The following ORC5 variants were observed in gnomAD, a reference collection of about 807,000 sequenced individuals.
The protein encoded by ORC5 is protein phosphatase 1, regulatory subunit 117.
In ORC5, 39 loss-of-function variants were observed where a neutral mutation model predicts 58.8. The observed-to-expected ratio is 0.66, with a 90% CI of 0.51 to 0.87. ORC5 has a LOEUF of 0.87. Among genes scored for constraint, ORC5 ranks in the 40% least tolerant of loss-of-function variants. The pLI is 0.00. For missense variants in ORC5, 493 were observed against 506.3 expected (o/e 0.97, Z 0.25); for synonymous variants, 218 against 177.6 (o/e 1.23, Z -1.81).
chr7:104,191,114 C>A, intron 5 of ORC5, among the ~76,000 whole-genome samples: 1 of 139,348 alleles, frequency 7.2e-6, no homozygotes, highest in African/African-American at 2.7e-5. Context: ...TATTTCAAAA[C>A]TGCTGAAAAA....
chr7:104,150,237 T>C (rs1367994272), intron 12 of ORC5, among the ~76,000 whole-genome samples: 1 of 152,234 alleles, frequency 6.6e-6, no homozygotes, highest in Non-Finnish European at 1.5e-5. Flanking sequence ...CATAGGTTGT[T>C]ATATGTCCAT....
chr7:104,176,182 C>T (rs541802249), intron 8 of ORC5, among the ~76,000 whole-genome samples: 3 of 152,226 alleles, frequency 2.0e-5, no homozygotes, highest in East Asian at 1.9e-4. Context: ...GTTGTGTCTA[C>T]GTGGTAAAAT....
chr7:104,198,748 G>A (rs1033420542), intron 3 of ORC5, among the ~76,000 whole-genome samples: 2 of 152,214 alleles, frequency 1.3e-5, no homozygotes, highest in Non-Finnish European at 2.9e-5. Flanking sequence ...AAGTAACAAG[G>A]AGCCAAATGT....
chr7:104,192,002 C>T (rs1039568923), intron 5 of ORC5, among the ~76,000 whole-genome samples: 3 of 152,086 alleles, frequency 2.0e-5, no homozygotes, highest in East Asian at 1.9e-4. Flanking sequence ...ATGGCAGTAA[C>T]GGACCGTAAT....
intron 12 of ORC5, among the ~76,000 whole-genome samples, chr7:104,155,440 G>A (rs1424464271): frequency 6.6e-6 from 1 of 151,298 alleles, no homozygotes; most frequent in Non-Finnish European, 1.5e-5. Context: ...AAAGAACTAT[G>A]CTCCTTTTCT....
chr7:104,179,873 C>G (rs770051207), intron 8 of ORC5, among the ~76,000 whole-genome samples: 44 of 152,168 alleles, frequency 2.9e-4, no homozygotes, highest in Non-Finnish European at 5.9e-4. Flanking sequence ...CACCTTTAAT[C>G]TTGATTGAGG....
At chr7:104,176,703 A>G (rs1799329295) in intron 8 of ORC5, among the ~76,000 whole-genome samples, 1 of 152,064 alleles carries the variant, frequency 6.6e-6, no homozygotes, top group South Asian at 2.1e-4. Flanking sequence ...TCAGGATTTT[A>G]TTTTTTGTGT....
At position 104,138,596 on chromosome 7, in the gene ORC5, A is replaced by G. The variant is rs1287929086; in HGVS notation, c.1150-1703T>C. Among the ~76,000 whole-genome samples, 1 of 151,594 alleles carries G rather than the reference A, an allele frequency of 6.6e-6. No individual in the cohort carries two copies. Among genetic ancestry groups the G allele is most frequent in the Admixed American group, 6.6e-5 (1 of 15,226 alleles). On this transcript the variant is annotated intron_variant, in intron 12 of 13. Coordinates refer to ENST00000297431, the MANE Select transcript of ORC5 (RefSeq NM_002553.4). The surrounding 1 kb of genome is among the most constrained non-coding windows in gnomAD (Gnocchi z 4.7). ...GCAATCATGGCTCACTGCAGCCTCA[A>G]CCTCCCCAGACTCAGGTGATCCTCC...
chr7:104,187,235 C>T (rs1421001816), intron 6 of ORC5, among the ~76,000 whole-genome samples: 1 of 152,182 alleles, frequency 6.6e-6, no homozygotes, highest in Non-Finnish European at 1.5e-5. Flanking sequence ...CCAAGACATC[C>T]AACTTCTAGA....
At chr7:104,171,622 G>T (rs768239840) in intron 8 of ORC5, among the ~76,000 whole-genome samples, 3 of 151,674 alleles carry the variant, frequency 2.0e-5, no homozygotes, top group Non-Finnish European at 2.9e-5. Context: ...TCAACTACTT[G>T]TCTCTCCTCA....
rs34994380 is a variant in ORC5, at chr7:104,194,099, CTT to C, written c.553+1042_553+1043del. On this transcript the variant is annotated intron_variant, in intron 5 of 13. Coordinates refer to ENST00000297431, the MANE Select transcript of ORC5 (RefSeq NM_002553.4). ...AACAGTGCTGACACAGGTACAGAGC[CTT>C]TTTTTTTTTTTTTTAAATAAAATCC... Among the ~76,000 whole-genome samples, 1,317 of 133,002 alleles carry C rather than the reference CTT, an allele frequency of 9.9e-3. 22 individuals are homozygous for C. The highest frequency in any genetic ancestry group is 0.034 in the African/African-American group (1,247 of 36,198). 87.3% of individuals were successfully genotyped at this position (133,002 alleles called of 152,430 possible). A position where few individuals can be genotyped will look rare whatever the true frequency, so the allele number is the denominator to read the frequency against.
rs1224446598 is a variant in ORC5 at position 104,207,861 on chromosome 7, A to G, written c.44T>C (p.Val15Ala). 1 of 1,614,184 alleles carries G rather than the reference A, an allele frequency of 6.2e-7. No homozygotes were observed. ...TCCAAACAAGGACTGCAAGATGGAC[A>G]CTTGAGACTCGCGACAAAGCACCAC... The part of the protein sequence containing the change: ...ENVVLCRESQ[V>A]SILQSLFGER... Residue 15 changes from valine to alanine, a missense_variant, in exon 1 of 14, where the codon GTG becomes GCG. By Grantham distance (64) the Val-to-Ala change is moderately conservative (BLOSUM62 0). Transcript: ENST00000297431.
chr7:104,195,754 C>T (rs1393408087), intron 4 of ORC5, among the ~76,000 whole-genome samples: 1 of 152,036 alleles, frequency 6.6e-6, no homozygotes, highest in Non-Finnish European at 1.5e-5. Flanking sequence ...TAATCACATT[C>T]CTAATAACAA....
Position 104,188,327 on chromosome 7 carries a change from A to T in ORC5, c.608T>A (p.Phe203Tyr). The T allele has an allele frequency of 6.2e-7, 1 of 1,611,882 alleles. No homozygotes were observed. The highest frequency in any genetic ancestry group is 8.5e-7 in the Non-Finnish European group (1 of 1,178,108). ...HDHPPEYSAD[F>Y]YAAYINILLG... ...AAGAATGTTAATGTAGGCAGCATAGAAATCAGCTGAATACTCTGGAGGATG... is the reference window on the plus strand; with the variant it reads ...AAGAATGTTAATGTAGGCAGCATAGTAATCAGCTGAATACTCTGGAGGATG... Residue 203 changes from phenylalanine (F) to tyrosine (Y), a missense_variant, in exon 6 of 14, where the codon TTC (phenylalanine) becomes TAC (tyrosine). Physicochemically the swap from Phe to Tyr is conservative, Grantham distance 22. Coordinates refer to ENST00000297431, the MANE Select transcript of ORC5 (RefSeq NM_002553.4).
chr7:104,204,347 A>G, intron 1 of ORC5, 113 bp from the exon 2 acceptor site: 1 of 671,272 alleles, frequency 1.5e-6, no homozygotes. Flanking sequence ...CCAAATTCCT[A>G]ACAATGAGCA....
intron 8 of ORC5, among the ~76,000 whole-genome samples, chr7:104,181,791 CAAAAAAA>C (rs34988883): frequency 1.2e-5 from 1 of 85,824 alleles, no homozygotes; most frequent in African/African-American, 4.4e-5. Context: ...GACTCCGTCT[CAAAAAAA>C]AAAAAAAAAA....
chr7:104,192,479 T>TA (rs1271329477), intron 5 of ORC5, among the ~76,000 whole-genome samples: 32 of 152,032 alleles, frequency 2.1e-4, no homozygotes, highest in Admixed American at 1.9e-3. Flanking sequence ...GAAGTAGAGC[T>TA]AAAATTAGCC....
At chr7:104,145,287 G>C (rs1330761085) in intron 12 of ORC5, among the ~76,000 whole-genome samples, 1 of 152,128 alleles carries the variant, frequency 6.6e-6, no homozygotes, top group African/African-American at 2.4e-5. Context: ...TTAGAGAAAA[G>C]AGATACACAA....
At position 104,170,944 on chromosome 7, in the gene ORC5, T is replaced by C. The variant is rs1472735733; in HGVS notation, c.825-2419A>G. ...GTTTTGTTCTCTTGATTATTTTCAGTCCTTTCCTCAATGTCTCTTACTATA... is the reference window on the plus strand; with the variant it reads ...GTTTTGTTCTCTTGATTATTTTCAGCCCTTTCCTCAATGTCTCTTACTATA... On this transcript the variant is annotated intron_variant, in intron 8 of 13. Coordinates refer to ENST00000297431, the MANE Select transcript of ORC5 (RefSeq NM_002553.4). Among the ~76,000 whole-genome samples the C allele has an allele frequency of 2.6e-5, 4 of 152,320 alleles. No homozygotes were observed. In the East Asian group the frequency reaches 7.7e-4, roughly 29 times the overall value.
Sources: gnomAD v4.1 joint callset for allele counts (sites outside exome capture counted in the v4.1 genomes callset) on GRCh38, gnomAD v4.1.1 for gene constraint, Gnocchi (gnomAD v3.1) non-coding constraint, MANE v1.5 for transcripts, NCBI Gene and HGNC (gene_info 2026-07-23, HGNC 2026-07-21) for gene names.